The following C8orf74 variants were observed in gnomAD, a reference collection of about 807,000 sequenced individuals.
The protein encoded by C8orf74 is uncharacterized protein C8orf74.
Under a neutral mutation model 22.2 loss-of-function variants are expected in C8orf74, and 29 were observed. That is an observed-to-expected ratio of 1.31 (90% confidence interval 0.97 to 1.78). C8orf74 has a LOEUF of 1.78. Ranked by LOEUF, C8orf74 falls within the 40% of genes most tolerant of loss-of-function variation. C8orf74 has a pLI of 0.00. For missense variants in C8orf74, 515 were observed against 369.9 expected, an observed-to-expected ratio of 1.39 and a Z score of -3.22; for synonymous variants, 255 against 163.1, an observed-to-expected ratio of 1.56 and a Z score of -4.30.
Position 10,697,997 on chromosome 8 carries a change from G to C in C8orf74, c.640G>C (p.Glu214Gln), listed in dbSNP as rs936498609. The stretch of plus-strand genomic sequence containing the variant: ...GCCTGCGCAGCCCGGCCAGGTCCTG[G>C]AGAGACAGGTGAGGCTCTGCCCCCC... ...AAPAQPGQVL[E>Q]RQELESLICQ... is the part of the protein sequence containing the mutation. Residue 214 changes from glutamate (E) to glutamine (Q), a missense_variant, in exon 3 of 4, where the codon GAG becomes CAG. Physicochemically the swap from Glu to Gln is conservative, Grantham distance 29. Transcript: ENST00000304519. 1.3e-6 allele frequency: 2 copies of C among 1,484,724 alleles called. No homozygotes were observed. The highest frequency in any genetic ancestry group is 1.8e-6 in the Non-Finnish European group (2 of 1,120,416). The allele number at this position is 1,484,724 out of a possible 1,614,324, so 92.0% of individuals were successfully genotyped here. A position where few individuals can be genotyped will look rare whatever the true frequency, so the allele number is the denominator to read the frequency against.
chr8:10,675,225 C>T (rs989463727), intron 2 of C8orf74, among the ~76,000 whole-genome samples: 1 of 152,238 alleles, frequency 6.6e-6, no homozygotes. Flanking sequence ...GGCTTTGCTG[C>T]AGGTGCCGGG....
At chr8:10,678,717 G>A (rs893451190) in intron 2 of C8orf74, among the ~76,000 whole-genome samples, 2 of 152,188 alleles carry the variant, frequency 1.3e-5, no homozygotes, top group Admixed American at 6.5e-5. Flanking sequence ...GCTGGCTCCT[G>A]ACAGCCATGC....
At chr8:10,698,051 A>G (rs1465298416) in intron 3 of C8orf74, 46 bp downstream of exon 3, 27 of 1,434,006 alleles carry the variant, frequency 1.9e-5, no homozygotes, top group Non-Finnish European at 2.3e-5. Flanking sequence ...GGGCCTGCAG[A>G]GACACCAGCC....
At chr8:10,684,892 G>A (rs1030891955) in intron 2 of C8orf74, among the ~76,000 whole-genome samples, 1 of 152,186 alleles carries the variant, frequency 6.6e-6, no homozygotes, top group Non-Finnish European at 1.5e-5. Context: ...GGTGACTTGA[G>A]CATGAACGCT....
intron 2 of C8orf74, among the ~76,000 whole-genome samples, chr8:10,694,504 T>C (rs1227839922): frequency 1.3e-5 from 2 of 152,146 alleles, no homozygotes; most frequent in East Asian, 3.9e-4. Context: ...GGTATGGTAA[T>C]CCACATGTTG....
chr8:10,684,446 C>T (rs1343428066), intron 2 of C8orf74, among the ~76,000 whole-genome samples: 2 of 152,220 alleles, frequency 1.3e-5, no homozygotes, highest in East Asian at 3.9e-4. Context: ...GTCTTTAAAA[C>T]ATGTGGTCCT....
At chr8:10,694,722 G>C (rs564894518) in intron 2 of C8orf74, among the ~76,000 whole-genome samples, 1 of 152,200 alleles carries the variant, frequency 6.6e-6, no homozygotes, top group Admixed American at 6.5e-5. Context: ...TTTTGGCATA[G>C]TGAATTGGGT....
chr8:10,693,783 G>A (rs1018978746), intron 2 of C8orf74, among the ~76,000 whole-genome samples: 3 of 152,168 alleles, frequency 2.0e-5, no homozygotes, highest in South Asian at 2.1e-4. Flanking sequence ...CACACCCTAC[G>A]TCCGAGGACG....
In C8orf74 at chr8:10,672,725, G is replaced by C; in HGVS notation, c.48+12G>C. On this transcript the variant is annotated intron_variant, in intron 1 of 3. Transcript: ENST00000304519. ...TCTTCCAACTTCAGGTGAAGGAAGA[G>C]AAAATGTGGCTTTTAAACAGAAACT... 1 of 1,554,560 alleles carries C rather than the reference G, an allele frequency of 6.4e-7. No individual in the cohort carries two copies.
At chr8:10,683,920 T>G (rs1389728962) in intron 2 of C8orf74, among the ~76,000 whole-genome samples, 5 of 152,166 alleles carry the variant, frequency 3.3e-5, no homozygotes, top group African/African-American at 1.2e-4. Context: ...CTTTGAGCCT[T>G]CCACCGGCTG....
chr8:10,676,851 C>T (rs1219856820), intron 2 of C8orf74, among the ~76,000 whole-genome samples: 4 of 152,158 alleles, frequency 2.6e-5, no homozygotes, highest in Non-Finnish European at 4.4e-5. Context: ...CCAGAACAAA[C>T]ACTGACAACC....
chr8:10,691,229 C>T, intron 2 of C8orf74: 1 of 306,442 alleles, frequency 3.3e-6, no homozygotes, highest in East Asian at 7.9e-5. Flanking sequence ...TGTATGACCT[C>T]TTAGGAGCAG....
intron 2 of C8orf74, among the ~76,000 whole-genome samples, chr8:10,683,483 A>C (rs575512956): frequency 1.1e-4 from 16 of 152,324 alleles, no homozygotes; most frequent in African/African-American, 3.8e-4. Context: ...GAGTAGCCAC[A>C]TCTCAGGCTG....
chr8:10,690,887 C>A, intron 2 of C8orf74: 2 of 456,162 alleles, frequency 4.4e-6, no homozygotes, highest in South Asian at 3.1e-5. Flanking sequence ...CCTCCAGGGG[C>A]TTGGGGACCA....
intron 2 of C8orf74, among the ~76,000 whole-genome samples, chr8:10,687,488 T>A (rs1009998848): frequency 1.3e-5 from 2 of 151,716 alleles, no homozygotes; most frequent in African/African-American, 4.8e-5. Flanking sequence ...CCATCTCTAC[T>A]AAAAATACAG....
chr8:10,677,057 T>C (rs1053634060), intron 2 of C8orf74, among the ~76,000 whole-genome samples: 1 of 152,136 alleles, frequency 6.6e-6, no homozygotes, highest in South Asian at 2.1e-4. Context: ...CTATGTCTCA[T>C]GGACTCACCA....
intron 2 of C8orf74, among the ~76,000 whole-genome samples, chr8:10,695,938 C>T (rs1405734284): frequency 6.6e-6 from 1 of 152,192 alleles, no homozygotes; most frequent in Non-Finnish European, 1.5e-5. Flanking sequence ...AGCCCTCATT[C>T]TTCAGAGGGG....
rs1799571704 is a variant in C8orf74, at chr8:10,698,094, A to C, written c.648+89A>C. 3 of 1,276,700 alleles carry C rather than the reference A, an allele frequency of 2.3e-6. No individual in the cohort carries two copies. The East Asian group carries it at 7.8e-5, about 33-fold the overall frequency. 79.1% of individuals were successfully genotyped at this position (1,276,700 alleles called of 1,614,324 possible). On this transcript the variant is annotated intron_variant, in intron 3 of 3. Coordinates refer to ENST00000304519, the MANE Select transcript of C8orf74 (RefSeq NM_001040032.2). ...GAGTCACTGCAGATGGGAGCTCCTC[A>C]GTGGCACACAGGGGAGGGGGAGAGA...
At position 10,700,482 on chromosome 8, in the gene C8orf74, C is replaced by G. The variant is rs973016687; in HGVS notation, c.*11C>G. 15 of 1,519,562 alleles carry G rather than the reference C, an allele frequency of 9.9e-6. No homozygotes were observed. The highest frequency in any genetic ancestry group is 1.4e-5 in the African/African-American group (1 of 72,228). The allele number at this position is 1,519,562 out of a possible 1,614,324, so 94.1% of individuals were successfully genotyped here. A position where few individuals can be genotyped will look rare whatever the true frequency, so the allele number is the denominator to read the frequency against. ...AAGGCAAGGAAGTAGAAGGTCCCGA[C>G]TGCCACACGAGACTGACTGGGGACC... is the stretch of plus-strand genomic sequence containing the variant. On this transcript the variant is annotated 3_prime_UTR_variant, in exon 4 of 4. Transcript: ENST00000304519.
Sources: gnomAD v4.1 joint callset for allele counts (sites outside exome capture counted in the v4.1 genomes callset) on GRCh38, gnomAD v4.1.1 for gene constraint, MANE v1.5 for transcripts, NCBI Gene and HGNC (gene_info 2026-07-23, HGNC 2026-07-21) for gene names.